SEC24A: variants seen among roughly 807,000 people sequenced by gnomAD.
SEC24A encodes the protein SEC24 homolog A, COPII component.
Under a neutral mutation model 129.4 loss-of-function variants are expected in SEC24A, and 93 were observed. The observed-to-expected ratio is 0.72, with a 90% confidence interval of 0.61 to 0.85. SEC24A has a LOEUF of 0.85. Among genes scored for constraint, SEC24A ranks in the 40% least tolerant of loss-of-function variants. The pLI is 0.00. For synonymous variants in SEC24A, 460 were observed against 467.3 expected (o/e 0.98, Z 0.20); for missense variants, 1,264 against 1,307.4 (o/e 0.97, Z 0.51).
At chr5:134,651,090 T>A (rs1207950803) in intron 1 of SEC24A, among the ~76,000 whole-genome samples, 3 of 123,636 alleles carry the variant, frequency 2.4e-5, no homozygotes, top group Middle Eastern at 3.9e-3. Context: ...AGGTTTTTTG[T>A]ATTTTGCCTT....
chr5:134,652,678 C>T (rs573740745), intron 1 of SEC24A, among the ~76,000 whole-genome samples: 1 of 152,332 alleles, frequency 6.6e-6, no homozygotes, highest in East Asian at 1.9e-4. Flanking sequence ...ACCTCCACCT[C>T]CCAGGTTCAA....
chr5:134,720,830 A>C (rs751262363), intron 20 of SEC24A, among the ~76,000 whole-genome samples, 168 bp from the exon 21 acceptor site: 34 of 152,148 alleles, frequency 2.2e-4, no homozygotes, highest in South Asian at 1.2e-3. Flanking sequence ...TGAACCCAGG[A>C]GTCGGAGGTT....
chr5:134,705,341 C>A lies in SEC24A; in HGVS notation c.2455C>A (p.Arg819Ser). Residue 819 changes from arginine (R) to serine (S), a missense_variant, in exon 17 of 23, where the codon CGT becomes AGT. Coordinates refer to ENST00000398844, the MANE Select transcript of SEC24A (RefSeq NM_021982.3). ...TTTCCCCAAAGGCGAAAGAAGAATT[C>A]GTGTTCATACTTTGTGTTTGCCAGT... Reference protein sequence around the residue: ...YTSSKGERRIRVHTLCLPVVS... With the variant: ...YTSSKGERRISVHTLCLPVVS... The A allele has an allele frequency of 6.2e-7, 1 of 1,612,388 alleles. No homozygotes were observed. Among genetic ancestry groups the A allele is most frequent in the Non-Finnish European group, 8.5e-7 (1 of 1,178,920 alleles).
chr5:134,648,935 C>A lies in SEC24A; in HGVS notation c.-142C>A. On this transcript the variant is annotated 5_prime_UTR_variant, in exon 1 of 23. Transcript: ENST00000398844. ...CTGGGGAGAGTGCGGCGCCATGCCT[C>A]GGGCTTAATGCGCCCCCCCCTCTTC... The A allele has an allele frequency of 1.7e-6, 1 of 591,380 alleles. No homozygotes were observed. The highest frequency in any genetic ancestry group is 3.0e-6 in the Non-Finnish European group (1 of 332,456). The allele number at this position is 591,380 out of a possible 1,614,324, so 36.6% of individuals were successfully genotyped here.
intron 1 of SEC24A, among the ~76,000 whole-genome samples, chr5:134,650,956 G>T (rs1750028082): frequency 1.3e-5 from 2 of 151,872 alleles, no homozygotes; most frequent in South Asian, 4.1e-4. Context: ...TATATTTTTA[G>T]TAGAGACGGG....
intron 8 of SEC24A, 67 bp from the exon 9 acceptor site, chr5:134,682,306 G>T: frequency 2.6e-6 from 2 of 765,428 alleles, no homozygotes; most frequent in South Asian, 1.7e-5. Flanking sequence ...GGAAGAAAGT[G>T]GCCAAATGCA....
At chr5:134,715,441 G>A (rs1228576323) in intron 19 of SEC24A, 4 of 278,324 alleles carry the variant, frequency 1.4e-5, no homozygotes, top group East Asian at 8.2e-5. Context: ...CAAACAAATC[G>A]ATCTTTTAAC....
Position 134,703,856 on chromosome 5 carries a change from G to A in SEC24A, c.2364G>A (p.Gln788=). 3 of 1,612,740 alleles carry A rather than the reference G, an allele frequency of 1.9e-6. No homozygotes were observed. The highest frequency in any genetic ancestry group is 2.5e-6 in the Non-Finnish European group (3 of 1,178,808). Reference sequence around the variant, plus strand: ...ACCCAGACGCTGGGTATGCAGTACAGATGTCAGTGGAAGAGAGTCTTACTG... The same window carrying A: ...ACCCAGACGCTGGGTATGCAGTACAAATGTCAGTGGAAGAGAGTCTTACTG... ...NVNPDAGYAV[Q]MSVEESLTDT... Residue 788 remains glutamine, a synonymous_variant, in exon 16 of 23, where the codon CAG becomes CAA. Transcript: ENST00000398844.
chr5:134,682,451 C>T lies in SEC24A; in HGVS notation c.1460C>T (p.Thr487Ile). The T allele has an allele frequency of 1.2e-6, 2 of 1,603,430 alleles. No homozygotes were observed. The highest frequency in any genetic ancestry group is 1.3e-5 in the African/African-American group (1 of 74,816). The change falls in exon 9 of 23, where the codon ACT (threonine) becomes ATT (isoleucine). Residue 487 changes from threonine (T) to isoleucine (I), a missense_variant. By Grantham distance (89) the Thr-to-Ile change is moderately conservative (BLOSUM62 -1). Coordinates refer to ENST00000398844, the MANE Select transcript of SEC24A (RefSeq NM_021982.3). ...PHRRPEVQNA[T>I]IEFMAPSEYM... ...AGAAGACCAGAAGTTCAAAATGCTACTATTGAGTTTATGGCTCCTTCAGAA... is the reference window on the plus strand; with the variant it reads ...AGAAGACCAGAAGTTCAAAATGCTATTATTGAGTTTATGGCTCCTTCAGAA...
Position 134,649,022 on chromosome 5 carries a change from C to G in SEC24A, c.-55C>G. ...TCCGCTTTCAGCAGTGGTCTTTCAG[C>G]TCTCTTCTTGTGCGCTGTTGTCGAC... On this transcript the variant is annotated 5_prime_UTR_variant, in exon 1 of 23. Transcript: ENST00000398844. 14 of 1,300,322 alleles carry G rather than the reference C, an allele frequency of 1.1e-5. No individual in the cohort carries two copies. The highest frequency in any genetic ancestry group is 1.5e-5 in the African/African-American group (1 of 68,002). The allele number at this position is 1,300,322 out of a possible 1,614,324, so 80.5% of individuals were successfully genotyped here. A position where few individuals can be genotyped will look rare whatever the true frequency, so the allele number is the denominator to read the frequency against.
rs565061863 is a variant in SEC24A at position 134,661,961 on chromosome 5, A to G, written c.565+375A>G. 4.0e-5 allele frequency among the ~76,000 whole-genome samples: 6 copies of G among 150,532 alleles called. No individual in the cohort carries two copies. In the East Asian group the frequency reaches 7.8e-4, roughly 20 times the overall value. On this transcript the variant is annotated intron_variant, in intron 2 of 22. Transcript: ENST00000398844. ...CTCAGCCTCCAGAGTAGCTGGGATT[A>G]TGGGATTACAGGCACGTGCCACTGC...
Position 134,666,988 on chromosome 5 carries a change from A to G in SEC24A, c.731A>G (p.Asn244Ser). ...VPQPLFNSAV[N>S]QEGITSNTNN... ...CAGCCCTTATTTAATTCAGCTGTCA[A>G]CCAAGAAGGTAAGTGAACCAAGAAA... is the stretch of plus-strand genomic sequence containing the variant. The change falls in exon 3 of 23, where the codon AAC becomes AGC. Residue 244 changes from asparagine (N) to serine (S), a missense_variant. Asn to Ser is a conservative substitution (Grantham distance 46). Coordinates refer to ENST00000398844, the MANE Select transcript of SEC24A (RefSeq NM_021982.3). 6.4e-7 allele frequency: 1 copy of G among 1,561,890 alleles called. No individual in the cohort carries two copies. Among genetic ancestry groups the G allele is most frequent in the Non-Finnish European group, 8.6e-7 (1 of 1,159,782 alleles).
Position 134,674,790 on chromosome 5 carries a change from A to G in SEC24A, c.978+15A>G, listed in dbSNP as rs145756172. The G allele has an allele frequency of 6.1e-4, 983 of 1,608,482 alleles. 13 individuals are homozygous for G. In the African/African-American group the frequency reaches 0.012, roughly 19 times the overall value. ...CCTTTACTCAGGTAAACTTTTTGGGATTTTCTTTAACCTATTTCTCCATTT... is the reference window on the plus strand; with the variant it reads ...CCTTTACTCAGGTAAACTTTTTGGGGTTTTCTTTAACCTATTTCTCCATTT... On this transcript the variant is annotated intron_variant, in intron 5 of 22. Coordinates refer to ENST00000398844, the MANE Select transcript of SEC24A (RefSeq NM_021982.3).
At chr5:134,684,056 G>A (rs952320830) in intron 9 of SEC24A, among the ~76,000 whole-genome samples, 3 of 152,122 alleles carry the variant, frequency 2.0e-5, no homozygotes, top group Non-Finnish European at 4.4e-5. Context: ...TGTAATCCCA[G>A]CACTTTGGGA....
chr5:134,713,763 G>A (rs1752397185), intron 18 of SEC24A, among the ~76,000 whole-genome samples: 1 of 151,036 alleles, frequency 6.6e-6, no homozygotes, highest in African/African-American at 2.4e-5. Flanking sequence ...GGGTGCGGTG[G>A]CTCACGCCTG....
intron 5 of SEC24A, 131 bp downstream of exon 5, chr5:134,674,906 G>A: frequency 8.9e-7 from 1 of 1,120,956 alleles, no homozygotes; most frequent in East Asian, 2.6e-5. Flanking sequence ...ATTTCATAAA[G>A]CCTTTGTCTT....
chr5:134,667,654 AAAAAAAAAAAAAAAC>A (rs955962591), intron 3 of SEC24A, among the ~76,000 whole-genome samples: 5 of 138,378 alleles, frequency 3.6e-5, no homozygotes, highest in Admixed American at 2.2e-4. Flanking sequence ...ACTCCGTCTC[AAAAAAAAAAAAAAAC>A]AAAAAAAAAA....
In SEC24A at chr5:134,674,710, C is replaced by A; in HGVS notation, c.913C>A (p.Pro305Thr). 6.2e-7 allele frequency: 1 copy of A among 1,613,988 alleles called. No individual in the cohort carries two copies. The highest frequency in any genetic ancestry group is 8.5e-7 in the Non-Finnish European group (1 of 1,179,914). Residue 305 changes from proline (P) to threonine (T), a missense_variant, in exon 5 of 23, where the codon CCT becomes ACT. Transcript: ENST00000398844. ...ACCTGGTTATCAGAACACAACACCA[C>A]CTGGTGCAACTGGAGTACCACCCTC... is the stretch of plus-strand genomic sequence containing the variant. ...LPPGYQNTTP[P>T]GATGVPPSSL...
chr5:134,672,079 G>A (rs1750884607), intron 4 of SEC24A, among the ~76,000 whole-genome samples, 193 bp downstream of exon 4: 1 of 152,058 alleles, frequency 6.6e-6, no homozygotes. Flanking sequence ...GTGCAGTGGT[G>A]CGATCATGGC....
Sources: allele counts gnomAD v4.1 joint callset (sites outside exome capture counted in the v4.1 genomes callset), GRCh38; gene constraint gnomAD v4.1.1; transcripts MANE v1.5; gene names NCBI Gene and HGNC (gene_info 2026-07-23, HGNC 2026-07-21).